The following RPL4 variants were observed in gnomAD, a reference collection of about 807,000 sequenced individuals.
RPL4 encodes large ribosomal subunit protein uL4.
Under a neutral mutation model 47.7 loss-of-function variants are expected in RPL4, and 3 were observed. That is an observed-to-expected ratio of 0.06 (90% confidence interval 0.03 to 0.16). The LOEUF is 0.16. Among genes scored for constraint, RPL4 ranks in the 10% least tolerant of loss-of-function variants. RPL4 has a pLI of 1.00. For missense variants in RPL4, 413 were observed against 551.3 expected (o/e 0.75, Z 2.51); for synonymous variants, 208 against 182.1 (o/e 1.14, Z -1.15).
rs1282254818 is a variant in RPL4 at position 66,501,872 on chromosome 15, A to C, written c.462T>G (p.Val154=). The part of the protein sequence containing the change: ...IEEVPELPLV[V]EDKVEGYKKT... ...TCTTGTAGCCTTCAACTTTATCTTCAACTACCAAAGGAAGTTCAGGAACTT... is the reference window on the plus strand; with the variant it reads ...TCTTGTAGCCTTCAACTTTATCTTCCACTACCAAAGGAAGTTCAGGAACTT... The change falls in exon 5 of 10, where the codon GTT becomes GTG. Residue 154 remains valine, a synonymous_variant. Coordinates refer to ENST00000307961, the MANE Select transcript of RPL4 (RefSeq NM_000968.4). The C allele has an allele frequency of 5.8e-5, 94 of 1,612,180 alleles. No homozygotes were observed. Among genetic ancestry groups the C allele is most frequent in the Non-Finnish European group, 7.8e-5 (92 of 1,179,950 alleles).
rs1270815735 is a variant in RPL4 at position 66,504,773 on chromosome 15, A to G, written c.3+15T>C. The G allele has an allele frequency of 6.2e-7, 1 of 1,612,050 alleles. No individual in the cohort carries two copies. Among genetic ancestry groups the G allele is most frequent in the Non-Finnish European group, 8.5e-7 (1 of 1,179,372 alleles). ...GAGATACGGGGTAAGGCCAGCCAAG[A>G]GAACTTCCACTCACCATGGCGGAGA... On this transcript the variant is annotated intron_variant, in intron 1 of 9. Transcript: ENST00000307961.
chr15:66,501,161 T>C, intron 6 of RPL4, 56 bp from the exon 7 acceptor site: 1 of 1,598,708 alleles, frequency 6.3e-7, no homozygotes, highest in Non-Finnish European at 8.5e-7. Flanking sequence ...GAAACACAAA[T>C]CATCTTTATG....
At chr15:66,501,617 G>A in intron 5 of RPL4, 113 bp from the exon 6 acceptor site, 1 of 1,523,358 alleles carries the variant, frequency 6.6e-7, no homozygotes. Context: ...ACTTGCCAAG[G>A]TTACACAGAG....
In RPL4 at chr15:66,499,617, TGCTGCAGCA is replaced by T; in HGVS notation, c.1065_1073del (p.Ala358_Ala360del). On this transcript the variant is annotated inframe_deletion, in exon 10 of 10. Transcript: ENST00000307961. ...CATCTGATTTGGCTTGTAGTGCCGC[TGCTGCAGCA>T]GCTGCCTTATCCACCCGGAGCTTGT... is the stretch of plus-strand genomic sequence containing the variant. 6.2e-7 allele frequency: 1 copy of T among 1,614,044 alleles called. No individual in the cohort carries two copies. Among genetic ancestry groups the T allele is most frequent in the Non-Finnish European group, 8.5e-7 (1 of 1,179,878 alleles).
chr15:66,502,525 G>C (rs1255480623), intron 4 of RPL4, 87 bp downstream of exon 4: 1 of 1,401,418 alleles, frequency 7.1e-7, no homozygotes, highest in African/African-American at 1.4e-5. Context: ...CTTGAAATGG[G>C]TTACTGTGAA....
At chr15:66,500,560 G>A (rs1332260772) in intron 7 of RPL4, 184 bp from the exon 8 acceptor site, 32 of 606,500 alleles carry the variant, frequency 5.3e-5, no homozygotes, top group South Asian at 5.0e-4. Flanking sequence ...TGGGGAGGCC[G>A]AGGCGGGTGG....
At chr15:66,500,848 A>C (rs761064732) in intron 7 of RPL4, 101 bp downstream of exon 7, 1 of 1,408,240 alleles carries the variant, frequency 7.1e-7, no homozygotes. Context: ...GTTGCTGCAC[A>C]TAAGGGGAAA....
In RPL4 at chr15:66,499,670, G is replaced by A; in HGVS notation, c.1039-18C>T. 6.2e-7 allele frequency: 1 copy of A among 1,612,900 alleles called. No homozygotes were observed. Among genetic ancestry groups the A allele is most frequent in the Non-Finnish European group, 8.5e-7 (1 of 1,179,522 alleles). On this transcript the variant is annotated intron_variant, in intron 9 of 9. Coordinates refer to ENST00000307961, the MANE Select transcript of RPL4 (RefSeq NM_000968.4). ...AGCTTGTGCTGCAACAAATTAGGCA[G>A]AAAACAGTAAGAATCAAATCCCTGT...
At position 66,500,180 on chromosome 15, in the gene RPL4, T is replaced by A. The variant is rs954986747; in HGVS notation, c.918-4A>T. ...GACTCTGCGATGGATCTTCTTGCTA[T>A]AAAAAAGCAGATACTGTATCAACAT... On this transcript the variant is annotated splice_region_variant and splice_polypyrimidine_tract_variant and intron_variant, in intron 8 of 9. Coordinates refer to ENST00000307961, the MANE Select transcript of RPL4 (RefSeq NM_000968.4). The A allele has an allele frequency of 8.7e-6, 14 of 1,613,488 alleles. No individual in the cohort carries two copies. Among genetic ancestry groups the A allele is most frequent in the Non-Finnish European group, 1.2e-5 (14 of 1,179,900 alleles).
Position 66,502,594 on chromosome 15 carries a change from A to T in RPL4, c.421+18T>A. On this transcript the variant is annotated intron_variant, in intron 4 of 9. Transcript: ENST00000307961. Reference sequence around the variant, plus strand: ...CTTATTTCTTCTATCAAACTCTCTTATATAAAGTATTACAAACCTTTAGAC... The same window carrying T: ...CTTATTTCTTCTATCAAACTCTCTTTTATAAAGTATTACAAACCTTTAGAC... The T allele has an allele frequency of 6.2e-7, 1 of 1,608,850 alleles. No homozygotes were observed. Among genetic ancestry groups the T allele is most frequent in the Non-Finnish European group, 8.5e-7 (1 of 1,178,846 alleles).
intron 9 of RPL4, 112 bp from the exon 10 acceptor site, chr15:66,499,764 C>CT: frequency 6.9e-7 from 1 of 1,453,106 alleles, no homozygotes; most frequent in Non-Finnish European, 9.3e-7. Flanking sequence ...TGGCTCACGC[C>CT]TGTAATCCCA....
In RPL4 at chr15:66,499,260, CCAA is replaced by C. The variant is rs1893545010; in HGVS notation, c.*144_*146del. On this transcript the variant is annotated 3_prime_UTR_variant, in exon 10 of 10. Transcript: ENST00000307961. Reference sequence around the variant, plus strand: ...TAAAATGTAACAGTCTAAATTATGGCCAACAAAATGTCACTTTAAAAAAATTCT... The same window carrying C: ...TAAAATGTAACAGTCTAAATTATGGCCAAAATGTCACTTTAAAAAAATTCT... 1.0e-6 allele frequency: 1 copy of C among 957,882 alleles called. No individual in the cohort carries two copies. The highest frequency in any genetic ancestry group is 2.4e-5 in the Admixed American group (1 of 41,942). 59.3% of individuals were successfully genotyped at this position (957,882 alleles called of 1,614,324 possible). A position where few individuals can be genotyped will look rare whatever the true frequency, so the allele number is the denominator to read the frequency against.
At position 66,500,266 on chromosome 15, in the gene RPL4, A is replaced by T. The variant is rs769771391; in HGVS notation, c.917+27T>A. 5.0e-6 allele frequency: 8 copies of T among 1,614,020 alleles called. No individual in the cohort carries two copies. The Admixed American group carries it at 1.3e-4, about 27-fold the overall frequency. On this transcript the variant is annotated intron_variant, in intron 8 of 9. Transcript: ENST00000307961. ...CAACCAATAGTATAGGGTTGGGGCG[A>T]GAATTACACTCTAAGTATCACTTTA...
At chr15:66,504,562 T>C (rs1893712276) in intron 1 of RPL4, among the ~76,000 whole-genome samples, 1 of 138,526 alleles carries the variant, frequency 7.2e-6, no homozygotes, top group African/African-American at 2.5e-5. Flanking sequence ...GACCCAGTGC[T>C]TTCCACTACT....
rs552260893 is a variant in RPL4 at position 66,502,467 on chromosome 15, C to T, written c.421+145G>A. ...TCAGTGTAACTGGAATATCCATGAACTAAAATATTTTATGCTAAAAACATT... is the reference window on the plus strand; with the variant it reads ...TCAGTGTAACTGGAATATCCATGAATTAAAATATTTTATGCTAAAAACATT... On this transcript the variant is annotated intron_variant, in intron 4 of 9. Coordinates refer to ENST00000307961, the MANE Select transcript of RPL4 (RefSeq NM_000968.4). 3.6e-5 allele frequency: 32 copies of T among 890,240 alleles called. No individual in the cohort carries two copies. In the African/African-American group the frequency reaches 4.9e-4, roughly 14 times the overall value. 55.1% of individuals were successfully genotyped at this position (890,240 alleles called of 1,614,324 possible).
chr15:66,502,582 T>C (rs1208107282), intron 4 of RPL4, 30 bp downstream of exon 4: 7 of 1,600,240 alleles, frequency 4.4e-6, no homozygotes, highest in African/African-American at 1.3e-5. Context: ...ATTTCTTCTA[T>C]CAAACTCTCT....
At chr15:66,501,992 A>T (rs1236040219) in intron 4 of RPL4, 80 bp from the exon 5 acceptor site, 1 of 1,553,004 alleles carries the variant, frequency 6.4e-7, no homozygotes, top group African/African-American at 1.4e-5. Flanking sequence ...TTATACAACC[A>T]ATAAAAGCAA....
Position 66,498,478 on chromosome 15 carries a change from T to C in RPL4, c.*929A>G, listed in dbSNP as rs1893523591. On this transcript the variant is annotated 3_prime_UTR_variant, in exon 10 of 10. Transcript: ENST00000307961. ...GGACAAGAGGTTAATTCTAGGGTAA[T>C]ATTTGCAGTTTAGCTTTATGGGTAA... 6.6e-6 allele frequency: 1 copy of C among 152,164 alleles called. No homozygotes were observed. Among genetic ancestry groups the C allele is most frequent in the African/African-American group, 2.4e-5 (1 of 41,426 alleles). The allele number at this position is 152,164 out of a possible 1,614,324, so 9.4% of individuals were successfully genotyped here. A position where few individuals can be genotyped will look rare whatever the true frequency, so the allele number is the denominator to read the frequency against.
intron 7 of RPL4, 135 bp downstream of exon 7, chr15:66,500,813 CA>C: frequency 9.7e-7 from 1 of 1,034,976 alleles, no homozygotes; most frequent in South Asian, 1.7e-5. Flanking sequence ...AAATATAGAC[CA>C]GGTGAGTCTC....
Sources: gnomAD v4.1 joint callset for allele counts (sites outside exome capture counted in the v4.1 genomes callset) on GRCh38, gnomAD v4.1.1 for gene constraint, MANE v1.5 for transcripts, NCBI Gene and HGNC (gene_info 2026-07-23, HGNC 2026-07-21) for gene names.